ADAMTS17: variants seen among roughly 807,000 people sequenced by gnomAD.
The protein encoded by ADAMTS17 is A disintegrin and metalloproteinase with thrombospondin motifs 17.
Under a neutral mutation model 141.5 loss-of-function variants are expected in ADAMTS17, and 113 were observed. That is an observed-to-expected ratio of 0.80 (90% confidence interval 0.69 to 0.93). The LOEUF (loss-of-function observed/expected upper bound fraction) is 0.93. ADAMTS17 is among the 40% of genes least tolerant of loss of function. ADAMTS17 has a pLI of 0.00. For missense variants in ADAMTS17, 1,659 were observed against 1,517.9 expected, an observed-to-expected ratio of 1.09 and a Z score of -1.54; for synonymous variants, 768 against 630.6, an observed-to-expected ratio of 1.22 and a Z score of -3.27.
chr15:100,216,951 A>G (rs1400574190), intron 7 of ADAMTS17, among the ~76,000 whole-genome samples: 2 of 152,346 alleles, frequency 1.3e-5, no homozygotes, highest in East Asian at 3.9e-4. Flanking sequence ...TTCCTGCTCT[A>G]GACTTCCCAT....
intron 14 of ADAMTS17, among the ~76,000 whole-genome samples, chr15:100,097,514 C>G (rs139968524): frequency 6.6e-6 from 1 of 152,378 alleles, no homozygotes; most frequent in East Asian, 1.9e-4. Flanking sequence ...TTAGAGCTAG[C>G]ACAGCGCCTC....
chr15:99,995,953 A>T (rs2067330003), intron 19 of ADAMTS17, among the ~76,000 whole-genome samples: 1 of 152,148 alleles, frequency 6.6e-6, no homozygotes, highest in Admixed American at 6.5e-5. Flanking sequence ...CCATTGTCTC[A>T]CATTTTCCAA....
At chr15:100,273,109 G>T (rs1379284682) in intron 4 of ADAMTS17, among the ~76,000 whole-genome samples, 1 of 152,016 alleles carries the variant, frequency 6.6e-6, no homozygotes, top group African/African-American at 2.4e-5. Context: ...TTTTATTGAG[G>T]ACTTTTACGT....
chr15:100,334,657 C>A (rs184461969), intron 2 of ADAMTS17, among the ~76,000 whole-genome samples: 1 of 152,336 alleles, frequency 6.6e-6, no homozygotes, highest in African/African-American at 2.4e-5. Flanking sequence ...AACACGGCCA[C>A]GCGGGGCTTC....
At chr15:100,058,129 C>G (rs1165211941) in intron 15 of ADAMTS17, among the ~76,000 whole-genome samples, 2 of 151,890 alleles carry the variant, frequency 1.3e-5, no homozygotes, top group East Asian at 3.8e-4. Context: ...GGCCTCTGCC[C>G]ATATCCCAGC....
intron 15 of ADAMTS17, among the ~76,000 whole-genome samples, chr15:100,084,487 G>T (rs1346662484): frequency 6.6e-6 from 1 of 152,212 alleles, no homozygotes; most frequent in African/African-American, 2.4e-5. Context: ...CAGCCTTGAA[G>T]AGAGTAGTAG....
At chr15:100,190,902 A>C (rs2040892408) in intron 8 of ADAMTS17, among the ~76,000 whole-genome samples, 1 of 152,190 alleles carries the variant, frequency 6.6e-6, no homozygotes, top group Admixed American at 6.5e-5. Context: ...TGGAAAGAGC[A>C]CTGTGCTGTG....
intron 18 of ADAMTS17, among the ~76,000 whole-genome samples, chr15:100,032,060 A>C (rs531678914): frequency 2.2e-4 from 33 of 152,210 alleles, no homozygotes; most frequent in Non-Finnish European, 2.6e-4. Context: ...CATAGAGGAC[A>C]GCATGGAGGT....
chr15:100,235,369 A>C (rs751557846), intron 7 of ADAMTS17, among the ~76,000 whole-genome samples: 1 of 151,870 alleles, frequency 6.6e-6, no homozygotes, highest in Non-Finnish European at 1.5e-5. Flanking sequence ...GATCCTCCCC[A>C]CACTGACCTC....
intron 10 of ADAMTS17, among the ~76,000 whole-genome samples, chr15:100,151,755 T>C (rs750768803): frequency 4.6e-5 from 7 of 152,104 alleles, no homozygotes; most frequent in Admixed American, 2.0e-4. Context: ...CCTTCCCCTG[T>C]GGCCAGGGCC....
chr15:100,024,731 C>G (rs935644084), intron 18 of ADAMTS17, among the ~76,000 whole-genome samples: 14 of 152,316 alleles, frequency 9.2e-5, no homozygotes, highest in Admixed American at 7.2e-4. Context: ...TGTCTTCTTT[C>G]TGCCTATGCA....
intron 7 of ADAMTS17, among the ~76,000 whole-genome samples, chr15:100,204,866 G>A (rs2141671360): frequency 6.6e-6 from 1 of 152,344 alleles, no homozygotes; most frequent in South Asian, 2.1e-4. Context: ...CCCAAGCAAT[G>A]AATGTGCTGG....
In ADAMTS17 at chr15:100,048,928, G is replaced by A. The variant is rs1345214088; in HGVS notation, c.2520C>T (p.Asp840=). ...GGCGGCTTGCTTGAGGGCAGTCACT[G>A]TCGTTCACCAGAGTTGTGGTCTTGT... is the stretch of plus-strand genomic sequence containing the variant. The part of the protein sequence containing the change: ...IVNKTTTLVN[D]SDCPQASRPE... Residue 840 remains aspartate, a synonymous_variant, in exon 18 of 22, where the codon GAC becomes GAT. Coordinates refer to ENST00000268070, the MANE Select transcript of ADAMTS17 (RefSeq NM_139057.4). The A allele has an allele frequency of 1.2e-6, 2 of 1,614,182 alleles. No individual in the cohort carries two copies. Among genetic ancestry groups the A allele is most frequent in the Non-Finnish European group, 1.7e-6 (2 of 1,180,032 alleles).
intron 10 of ADAMTS17, among the ~76,000 whole-genome samples, chr15:100,134,219 TG>T (rs996113547): frequency 1.3e-5 from 2 of 152,130 alleles, no homozygotes; most frequent in East Asian, 3.9e-4. Context: ...CAGAGGGTCC[TG>T]GGGGGGATGG....
chr15:100,076,083 C>A (rs1233385641), intron 15 of ADAMTS17, among the ~76,000 whole-genome samples: 1 of 151,970 alleles, frequency 6.6e-6, no homozygotes, highest in African/African-American at 2.4e-5. Flanking sequence ...TGCTCTGTTG[C>A]CTAGGCTGGA....
intron 15 of ADAMTS17, among the ~76,000 whole-genome samples, chr15:100,056,084 G>C (rs1303594216): frequency 6.6e-6 from 1 of 152,210 alleles, no homozygotes; most frequent in African/African-American, 2.4e-5. Flanking sequence ...TCTACGCTCT[G>C]TTACAGGGTT....
chr15:100,147,629 G>T (rs926730563), intron 10 of ADAMTS17, among the ~76,000 whole-genome samples: 1 of 152,140 alleles, frequency 6.6e-6, no homozygotes, highest in Non-Finnish European at 1.5e-5. Flanking sequence ...AATCTCACAG[G>T]ACCACCAGCA....
intron 8 of ADAMTS17, among the ~76,000 whole-genome samples, chr15:100,162,065 G>T (rs2039715248): frequency 1.3e-5 from 2 of 152,210 alleles, no homozygotes; most frequent in South Asian, 2.1e-4. Flanking sequence ...ATCACCAATG[G>T]ATAAATAATG....
chr15:100,003,398 C>G (rs1306349136), intron 18 of ADAMTS17, among the ~76,000 whole-genome samples: 1 of 152,066 alleles, frequency 6.6e-6, no homozygotes, highest in African/African-American at 2.4e-5. Flanking sequence ...GCGACTTGCT[C>G]TGCCTCAGGG....
Sources: gnomAD v4.1 joint callset for allele counts (sites outside exome capture counted in the v4.1 genomes callset) on GRCh38, gnomAD v4.1.1 for gene constraint, MANE v1.5 for transcripts, NCBI Gene and HGNC (gene_info 2026-07-23, HGNC 2026-07-21) for gene names.